Variants in RPH3A observed in about 807,000 individuals in gnomAD.
RPH3A encodes rabphilin 3A.
Under a neutral mutation model 102.2 loss-of-function variants are expected in RPH3A, and 48 were observed. That is an observed-to-expected ratio of 0.47 (90% CI 0.37 to 0.60). RPH3A has a LOEUF of 0.60. Among genes scored for constraint, RPH3A ranks in the 20% least tolerant of loss-of-function variants. RPH3A has a pLI of 0.00. For missense variants in RPH3A, 781 were observed against 910.1 expected, an observed-to-expected ratio of 0.86 and a Z score of 1.83; for synonymous variants, 310 against 324.3, an observed-to-expected ratio of 0.96 and a Z score of 0.47.
intron 1 of RPH3A, among the ~76,000 whole-genome samples, chr12:112,595,327 G>A (rs888334570): frequency 6.6e-6 from 1 of 152,168 alleles, no homozygotes; most frequent in African/African-American, 2.4e-5. Context: ...GGGAAACTGA[G>A]TCAAGAGCAT....
intron 1 of RPH3A, among the ~76,000 whole-genome samples, chr12:112,774,768 A>T (rs893012985): frequency 6.6e-6 from 1 of 151,488 alleles, no homozygotes; most frequent in East Asian, 1.9e-4. Flanking sequence ...CACACACTGG[A>T]GCAGGTCGGG....
At chr12:112,873,756 CT>C (rs1288426947) in intron 10 of RPH3A, 1 of 152,224 alleles carries the variant, frequency 6.6e-6, no homozygotes, top group Admixed American at 6.5e-5. Context: ...AGTTGTGAAG[CT>C]TCCATGAGGC....
At chr12:112,657,942 A>G (rs1592929325) in intron 1 of RPH3A, among the ~76,000 whole-genome samples, 2 of 152,200 alleles carry the variant, frequency 1.3e-5, no homozygotes, top group South Asian at 4.1e-4. Context: ...GGCAGAGGGA[A>G]CAGCCAGTGC....
chr12:112,694,642 GCGCA>G (rs1317271288), intron 1 of RPH3A, among the ~76,000 whole-genome samples: 1 of 140,326 alleles, frequency 7.1e-6, no homozygotes, highest in Non-Finnish European at 1.5e-5. Flanking sequence ...ACGCGCGCGC[GCGCA>G]CACGCACACA....
chr12:112,869,271 T>C (rs1420769092), intron 8 of RPH3A: 1 of 155,938 alleles, frequency 6.4e-6, no homozygotes, highest in African/African-American at 2.4e-5. Context: ...CAATTCCAGA[T>C]TGAGTGCAGG....
Position 112,682,361 on chromosome 12 carries a change from T to C in RPH3A, c.-140+107042T>C, listed in dbSNP as rs2098768837. ...TTGTCTTTTTTCTTTCTTTCTTTTT[T>C]TTTTTTTTTTCTGTTCTTGGATGAT... On this transcript the variant is annotated intron_variant, in intron 1 of 21. Coordinates refer to the RPH3A transcript ENST00000543106. 5.3e-5 allele frequency among the ~76,000 whole-genome samples: 8 copies of C among 150,774 alleles called. No individual in the cohort carries two copies. In the South Asian group the frequency reaches 1.5e-3, roughly 28 times the overall value.
At chr12:112,654,920 G>T (rs1265227920) in intron 1 of RPH3A, among the ~76,000 whole-genome samples, 1 of 152,316 alleles carries the variant, frequency 6.6e-6, no homozygotes, top group East Asian at 1.9e-4. Flanking sequence ...TGAAAGGCTT[G>T]TTCTTCTCCT....
chr12:112,790,634 A>G (rs2041089164), upstream of RPH3A, among the ~76,000 whole-genome samples: 1 of 152,200 alleles, frequency 6.6e-6, no homozygotes, highest in Admixed American at 6.5e-5. Context: ...GATATGGAGC[A>G]CTGGGAGCCA....
At chr12:112,671,844 C>T (rs2040133053) in intron 1 of RPH3A, among the ~76,000 whole-genome samples, 1 of 151,268 alleles carries the variant, frequency 6.6e-6, no homozygotes, top group Non-Finnish European at 1.5e-5. Flanking sequence ...AAAACAGAAC[C>T]AATAGGATCT....
rs763759280 is a variant in RPH3A, at chr12:112,883,398, C to G, written c.1432C>G (p.Leu478Val). Residue 478 changes from leucine (L) to valine (V), a missense_variant, in exon 16 of 22, where the codon CTC becomes GTC. Around this residue, in one of 2 missense-constraint regions of RPH3A, gnomAD observed 730 missense variants for 810.0 expected, o/e 0.90. Transcript: ENST00000389385. ...ITDEDMQRKT[L>V]RISVCDEDKF... is the part of the protein sequence containing the mutation. The stretch of plus-strand genomic sequence containing the variant: ...CGATGAGGACATGCAAAGGAAGACC[C>G]TCAGGTACCTGGCAGGCAGAGGGCA... 1.2e-6 allele frequency: 2 copies of G among 1,612,704 alleles called. No individual in the cohort carries two copies. Among genetic ancestry groups the G allele is most frequent in the Admixed American group, 3.3e-5 (2 of 59,984 alleles).
At chr12:112,831,008 C>T (rs944705196) in intron 3 of RPH3A, among the ~76,000 whole-genome samples, 2 of 151,782 alleles carry the variant, frequency 1.3e-5, no homozygotes, top group African/African-American at 4.8e-5. Flanking sequence ...ATATTTCAGG[C>T]TTTTCTGGCC....
At chr12:112,825,225 T>G (rs1330534807) in intron 2 of RPH3A, among the ~76,000 whole-genome samples, 5 of 152,126 alleles carry the variant, frequency 3.3e-5, no homozygotes, top group Non-Finnish European at 5.9e-5. Context: ...GTAGAAACAA[T>G]GAAATGCCCA....
chr12:112,578,408 G>C (rs763128288), intron 1 of RPH3A, among the ~76,000 whole-genome samples: 3 of 152,048 alleles, frequency 2.0e-5, no homozygotes, highest in Non-Finnish European at 4.4e-5. Context: ...CTAATAATGA[G>C]TCTTCAAAAA....
At chr12:112,887,982 C>T in intron 17 of RPH3A, 59 bp downstream of exon 17, 1 of 1,591,488 alleles carries the variant, frequency 6.3e-7, no homozygotes, top group Non-Finnish European at 8.6e-7. Flanking sequence ...GAGCTGCCTT[C>T]CTCTGGGTCT....
chr12:112,849,150 G>A (rs2042280340), intron 5 of RPH3A, among the ~76,000 whole-genome samples: 1 of 152,128 alleles, frequency 6.6e-6, no homozygotes, highest in African/African-American at 2.4e-5. Flanking sequence ...TGATGCTCTG[G>A]GGATGCAGGA....
chr12:112,872,235 A>G (rs1408231050), intron 10 of RPH3A, among the ~76,000 whole-genome samples: 1 of 152,126 alleles, frequency 6.6e-6, no homozygotes, highest in South Asian at 2.1e-4. Context: ...TTTGTTTTTA[A>G]TAAGTCATCC....
intron 1 of RPH3A, among the ~76,000 whole-genome samples, chr12:112,765,955 C>T (rs2040885883): frequency 6.6e-6 from 1 of 152,236 alleles, no homozygotes; most frequent in Admixed American, 6.5e-5. Flanking sequence ...AGAAGTCATA[C>T]TGTCACCATG....
intron 1 of RPH3A, among the ~76,000 whole-genome samples, chr12:112,773,377 C>CTAAATAAACTAATAAACTAATTTATTTAA (rs2040941515): frequency 6.6e-6 from 1 of 151,920 alleles, no homozygotes; most frequent in African/African-American, 2.4e-5. Flanking sequence ...CCTCCTTTTC[C>CTAAATAAACTAATAAACTAATTTATTTAA]ATTACAGGGC....
At chr12:112,640,026 C>T (rs1682132539) in intron 1 of RPH3A, among the ~76,000 whole-genome samples, 1 of 151,916 alleles carries the variant, frequency 6.6e-6, no homozygotes, top group Non-Finnish European at 1.5e-5. Context: ...GGGTTCAAAG[C>T]AGGGCTCTGG....
Sources: allele counts gnomAD v4.1 joint callset (sites outside exome capture counted in the v4.1 genomes callset), GRCh38; gene constraint gnomAD v4.1.1; regional missense constraint gnomAD v4.1.1; transcripts MANE v1.5; gene names NCBI Gene and HGNC (gene_info 2026-07-23, HGNC 2026-07-21).